PBRM1: variants seen among roughly 807,000 people sequenced by gnomAD.
The protein encoded by PBRM1 is protein polybromo-1.
A neutral mutation model predicts 194.5 loss-of-function variants in PBRM1; 27 were observed. That is an observed-to-expected ratio of 0.14 (90% CI 0.10 to 0.19). PBRM1 has a LOEUF of 0.19. Ranked by LOEUF, PBRM1 falls within the 10% of genes least tolerant of loss-of-function variation. The pLI, the probability that PBRM1 is intolerant of heterozygous loss-of-function variation, is 1.00. For synonymous variants in PBRM1, 655 were observed against 693.2 expected, an observed-to-expected ratio of 0.94 and a Z score of 0.87; for missense variants, 1,466 against 2,077.2, an observed-to-expected ratio of 0.71 and a Z score of 5.72.
chr3:52,597,425 G>A (rs969355137), intron 17 of PBRM1, among the ~76,000 whole-genome samples: 12 of 152,054 alleles, frequency 7.9e-5, no homozygotes, highest in African/African-American at 2.9e-4. Flanking sequence ...TAAAAGTTCT[G>A]CCAATTTTGG....
At chr3:52,646,552 T>C (rs1399089958) in intron 7 of PBRM1, among the ~76,000 whole-genome samples, 1 of 152,198 alleles carries the variant, frequency 6.6e-6, no homozygotes, top group Non-Finnish European at 1.5e-5. Context: ...GACAGAAATT[T>C]AGGTGAGTGG....
In PBRM1 at chr3:52,609,874, A is replaced by T. The variant is rs1270365723; in HGVS notation, c.2006T>A (p.Val669Glu). ...ACCCCTCTTATCAGTATAGTTCTTTACAGCTTCATAGACCTCATTTAGTTT... is the reference window on the plus strand; with the variant it reads ...ACCCCTCTTATCAGTATAGTTCTTTTCAGCTTCATAGACCTCATTTAGTTT... The change falls in exon 16 of 30, where the codon GTA becomes GAA. Residue 669 changes from valine to glutamate, a missense_variant. Around this residue, in one of 5 missense-constraint regions of PBRM1, gnomAD observed 687 missense variants for 946.2 expected, o/e 0.73. Coordinates refer to ENST00000296302, the Ensembl canonical transcript of PBRM1. This position sits in a 1 kb window ranked among gnomAD's most constrained non-coding sequence, Gnocchi z 4.1. 1 of 1,595,144 alleles carries T rather than the reference A, an allele frequency of 6.3e-7. No individual in the cohort carries two copies. Among genetic ancestry groups the T allele is most frequent in the Admixed American group, 1.8e-5 (1 of 55,244 alleles).
downstream of PBRM1, chr3:52,545,372 T>C (rs2079574830): frequency 4.4e-6 from 1 of 225,902 alleles, no homozygotes; most frequent in Non-Finnish European, 8.8e-6. Flanking sequence ...CCAAATCACT[T>C]TGCAAACTCT....
At chr3:52,678,736 A>G (rs776761369) in intron 1 of PBRM1, 139 bp from the exon 3 acceptor site, 2 of 584,754 alleles carry the variant, frequency 3.4e-6, no homozygotes, top group South Asian at 4.5e-5. Context: ...CAAACATGCT[A>G]AAGTCTGAAA....
intron 15 of PBRM1, among the ~76,000 whole-genome samples, chr3:52,611,268 A>G (rs1350046199): frequency 6.6e-6 from 1 of 152,366 alleles, no homozygotes; most frequent in East Asian, 1.9e-4. Flanking sequence ...GAATAAAATT[A>G]AAAACTATCA....
At chr3:52,643,221 T>C in intron 9 of PBRM1, 27 bp downstream of exon 10, 2 of 1,485,242 alleles carry the variant, frequency 1.3e-6, no homozygotes, top group East Asian at 2.3e-5. Context: ...ACAGGTCAAC[T>C]CTCAGACTAA....
chr3:52,637,807 C>A (rs2095881813), intron 10 of PBRM1, among the ~76,000 whole-genome samples: 1 of 85,374 alleles, frequency 1.2e-5, no homozygotes, highest in African/African-American at 3.9e-5. Flanking sequence ...ATTAGCCGGG[C>A]ATGGTGACGG....
intron 13 of PBRM1, among the ~76,000 whole-genome samples, chr3:52,620,146 G>A (rs1359061944): frequency 6.6e-6 from 1 of 152,224 alleles, no homozygotes; most frequent in African/African-American, 2.4e-5. Flanking sequence ...TCTTCGGCAA[G>A]TGGATAATAC....
chr3:52,558,164 G>T, intron 26 of PBRM1, 85 bp downstream of exon 28: 1 of 942,256 alleles, frequency 1.1e-6, no homozygotes, highest in Non-Finnish European at 1.6e-6. Context: ...AAAGGCAATA[G>T]ACTGTGGCCT....
chr3:52,651,244 G>C (rs2096484540), intron 6 of PBRM1, among the ~76,000 whole-genome samples: 1 of 152,158 alleles, frequency 6.6e-6, no homozygotes, highest in African/African-American at 2.4e-5. Flanking sequence ...GAAGGGGTAG[G>C]GTAGAGAGGG....
chr3:52,630,571 C>T (rs1342468928), intron 11 of PBRM1, among the ~76,000 whole-genome samples: 1 of 152,210 alleles, frequency 6.6e-6, no homozygotes, highest in Non-Finnish European at 1.5e-5. Context: ...CTAGACCTCC[C>T]TGTTGCTCTG....
chr3:52,614,779 C>G (rs776713277), intron 15 of PBRM1, among the ~76,000 whole-genome samples: 32 of 152,036 alleles, frequency 2.1e-4, no homozygotes, highest in Non-Finnish European at 2.6e-4. Context: ...CCATGTTGGC[C>G]GGGCTGGTCC....
intron 20 of PBRM1, 113 bp downstream of exon 22, chr3:52,586,312 C>T (rs976166234): frequency 3.5e-6 from 3 of 863,374 alleles, no homozygotes; most frequent in East Asian, 2.4e-5. Flanking sequence ...TCCTGTTTGG[C>T]TAAGGTTTTG....
chr3:52,620,751 T>C (rs183822881), intron 13 of PBRM1, among the ~76,000 whole-genome samples: 6 of 152,360 alleles, frequency 3.9e-5, no homozygotes, highest in Admixed American at 6.5e-5. Flanking sequence ...TTTACTGTTT[T>C]AGCACTCATA....
At chr3:52,593,644 G>A (rs12498066) in intron 17 of PBRM1, among the ~76,000 whole-genome samples, 52,073 of 151,988 alleles carry the variant, frequency 0.34, 9,940 homozygotes, top group Admixed American at 0.46. Flanking sequence ...GTTTTTGTTC[G>A]TTTCAAAGAA....
At chr3:52,580,349 C>CT (rs1275691009) in intron 20 of PBRM1, among the ~76,000 whole-genome samples, 7 of 151,996 alleles carry the variant, frequency 4.6e-5, no homozygotes, top group African/African-American at 1.7e-4. Context: ...TATAAACATG[C>CT]TTTTTTTGTT....
chr3:52,574,933 C>T (rs4687547), intron 22 of PBRM1, among the ~76,000 whole-genome samples: 51,935 of 152,040 alleles, frequency 0.34, 9,882 homozygotes, highest in Admixed American at 0.46. Flanking sequence ...CAGGGTCTCA[C>T]TCTGTTGCCC....
chr3:52,649,880 T>A (rs1406050586), intron 6 of PBRM1, among the ~76,000 whole-genome samples: 1 of 152,070 alleles, frequency 6.6e-6, no homozygotes, highest in Admixed American at 6.6e-5. Flanking sequence ...CTGAGACTTT[T>A]GGAAAGAAGA....
Position 52,678,136 on chromosome 3 carries a change from TG to T in PBRM1, c.236+363del, listed in dbSNP as rs968559559. ...ATCTTTCCGCATAGGTCATTTTTTTTGTTTTTGTTTTTAAGAGACGGGGTCT... is the reference window on the plus strand; with the variant it reads ...ATCTTTCCGCATAGGTCATTTTTTTTTTTTTGTTTTTAAGAGACGGGGTCT... On this transcript the variant is annotated intron_variant, in intron 2 of 29. Transcript: ENST00000296302. 4.6e-5 allele frequency among the ~76,000 whole-genome samples: 7 copies of T among 151,934 alleles called. 1 individual carries two copies. The highest frequency in any genetic ancestry group is 1.5e-5 in the Non-Finnish European group (1 of 67,968).
Sources: allele counts gnomAD v4.1 joint callset (sites outside exome capture counted in the v4.1 genomes callset), GRCh38; gene constraint gnomAD v4.1.1; regional missense constraint gnomAD v4.1.1; non-coding constraint Gnocchi (gnomAD v3.1); transcripts MANE v1.5; gene names NCBI Gene and HGNC (gene_info 2026-07-23, HGNC 2026-07-21).